CNTN4: variants seen among roughly 807,000 people sequenced by gnomAD.
The protein encoded by CNTN4 is contactin 4, also known as contactin-4.
In CNTN4, 77 loss-of-function variants were observed where a neutral mutation model predicts 122.5. The observed-to-expected ratio is 0.63, with a 90% CI of 0.52 to 0.76. The LOEUF (loss-of-function observed/expected upper bound fraction) is 0.76. Ranked by LOEUF, CNTN4 falls within the 30% of genes least tolerant of loss-of-function variation. CNTN4 has a pLI of 0.00. For missense variants in CNTN4, 1,256 were observed against 1,259.1 expected (o/e 1.00, Z 0.04); for synonymous variants, 512 against 447.0 (o/e 1.15, Z -1.83).
chr3:2,439,412 T>A (rs1374941236), intron 3 of CNTN4, among the ~76,000 whole-genome samples: 1 of 152,228 alleles, frequency 6.6e-6, no homozygotes, highest in East Asian at 1.9e-4. Context: ...TATTTTATTT[T>A]TTTTTACTTG....
chr3:2,493,177 A>G (rs2076364586), intron 3 of CNTN4, among the ~76,000 whole-genome samples: 1 of 152,134 alleles, frequency 6.6e-6, no homozygotes, highest in Admixed American at 6.6e-5. Flanking sequence ...TTTTCTGGGT[A>G]CAAAGATGAT....
intron 4 of CNTN4, among the ~76,000 whole-genome samples, chr3:2,589,507 C>A (rs2080361707): frequency 6.6e-6 from 1 of 152,264 alleles, no homozygotes; most frequent in South Asian, 2.1e-4. Context: ...TCCTTCCCTC[C>A]CACAAAGATG....
intron 4 of CNTN4, among the ~76,000 whole-genome samples, chr3:2,686,404 A>G (rs1221963539): frequency 1.3e-5 from 2 of 151,472 alleles, no homozygotes; most frequent in Non-Finnish European, 2.9e-5. Context: ...ACCCAACCCT[A>G]CCCCCGACAC....
intron 3 of CNTN4, among the ~76,000 whole-genome samples, chr3:2,487,351 A>C (rs2151634585): frequency 6.6e-6 from 1 of 152,304 alleles, no homozygotes; most frequent in South Asian, 2.1e-4. Flanking sequence ...ACTTAATTTA[A>C]GAAAGTAACA....
At chr3:2,348,883 T>A (rs1194177779) in intron 3 of CNTN4, among the ~76,000 whole-genome samples, 1 of 152,182 alleles carries the variant, frequency 6.6e-6, no homozygotes, top group African/African-American at 2.4e-5. Context: ...GTTAGACAAG[T>A]CATTAAACTT....
chr3:2,589,719 C>T (rs1039059617), intron 4 of CNTN4, among the ~76,000 whole-genome samples: 7 of 152,172 alleles, frequency 4.6e-5, no homozygotes, highest in Non-Finnish European at 7.3e-5. Flanking sequence ...GGTTTGACTG[C>T]GGCTAGAGCA....
chr3:2,899,096 CTG>C (rs1288276587), intron 10 of CNTN4, among the ~76,000 whole-genome samples: 1 of 152,164 alleles, frequency 6.6e-6, no homozygotes, highest in Non-Finnish European at 1.5e-5. Context: ...ATTTGTAAAA[CTG>C]TGTTTTGCTC....
intron 2 of CNTN4, among the ~76,000 whole-genome samples, chr3:2,336,225 G>T (rs1720186): frequency 8.4e-5 from 12 of 142,694 alleles, no homozygotes; most frequent in African/African-American, 2.5e-4. Flanking sequence ...TGTTTATTTG[G>T]GGGGGGGAGG....
chr3:2,851,306 C>T (rs2093546536), intron 7 of CNTN4, among the ~76,000 whole-genome samples: 1 of 152,168 alleles, frequency 6.6e-6, no homozygotes, highest in Non-Finnish European at 1.5e-5. Context: ...AACACTATGC[C>T]TCTGATCATA....
chr3:2,842,106 C>T (rs1224231140), intron 7 of CNTN4, among the ~76,000 whole-genome samples: 1 of 152,116 alleles, frequency 6.6e-6, no homozygotes, highest in African/African-American at 2.4e-5. Flanking sequence ...TGTTCTTCAA[C>T]ATAAGGGCAA....
chr3:2,996,753 T>G (rs192402164), intron 14 of CNTN4, among the ~76,000 whole-genome samples: 11 of 152,312 alleles, frequency 7.2e-5, no homozygotes, highest in Admixed American at 6.5e-4. Context: ...GTTTCATTCT[T>G]CATGACTGTC....
chr3:2,552,435 G>T (rs1235087308), intron 3 of CNTN4, among the ~76,000 whole-genome samples: 1 of 152,066 alleles, frequency 6.6e-6, no homozygotes, highest in East Asian at 1.9e-4. Flanking sequence ...ATATAGGTTT[G>T]GTACCTACAG....
At chr3:2,684,098 C>T (rs1271460470) in intron 4 of CNTN4, among the ~76,000 whole-genome samples, 1 of 152,136 alleles carries the variant, frequency 6.6e-6, no homozygotes, top group African/African-American at 2.4e-5. Context: ...GCAATTCACA[C>T]TATTAAATAT....
chr3:2,296,892 A>G (rs1407451482), intron 2 of CNTN4, among the ~76,000 whole-genome samples: 1 of 152,050 alleles, frequency 6.6e-6, no homozygotes, highest in African/African-American at 2.4e-5. Flanking sequence ...TCAATGTAGT[A>G]TTCTAAAAGT....
At chr3:2,905,052 G>A (rs1289240361) in intron 12 of CNTN4, among the ~76,000 whole-genome samples, 3 of 152,074 alleles carry the variant, frequency 2.0e-5, no homozygotes, top group Non-Finnish European at 4.4e-5. Flanking sequence ...TACGCATAAT[G>A]GCTTAAAACC....
intron 4 of CNTN4, among the ~76,000 whole-genome samples, chr3:2,695,246 C>A (rs2085960826): frequency 6.6e-6 from 1 of 152,102 alleles, no homozygotes; most frequent in Non-Finnish European, 1.5e-5. Context: ...CTTCTGATTG[C>A]AGATAACCCC....
At chr3:2,974,285 T>A (rs1693212175) in intron 13 of CNTN4, among the ~76,000 whole-genome samples, 2 of 152,234 alleles carry the variant, frequency 1.3e-5, no homozygotes. Flanking sequence ...GTTTCCTTTA[T>A]TCTTTAATTT....
At chr3:2,572,490 G>C (rs970549266) in intron 4 of CNTN4, among the ~76,000 whole-genome samples, 4 of 152,198 alleles carry the variant, frequency 2.6e-5, no homozygotes, top group Non-Finnish European at 5.9e-5. Flanking sequence ...CATCATTCAA[G>C]TGCTGGTGCA....
intron 6 of CNTN4, among the ~76,000 whole-genome samples, chr3:2,814,094 G>A (rs2092674662): frequency 6.6e-6 from 1 of 152,106 alleles, no homozygotes. Flanking sequence ...TCACAAATAT[G>A]ATATGAAAAC....
Sources: gnomAD v4.1 joint callset for allele counts (sites outside exome capture counted in the v4.1 genomes callset) on GRCh38, gnomAD v4.1.1 for gene constraint, MANE v1.5 for transcripts, NCBI Gene and HGNC (gene_info 2026-07-23, HGNC 2026-07-21) for gene names.